ADGRL3: variants seen among roughly 807,000 people sequenced by gnomAD.
ADGRL3 encodes calcium-independent alpha-latrotoxin receptor 3.
A neutral mutation model predicts 153.5 loss-of-function variants in ADGRL3; 62 were observed. The ratio of observed to expected loss-of-function variants is 0.40; its 90% CI spans 0.33 to 0.50. ADGRL3 has a LOEUF of 0.50. Among genes scored for constraint, ADGRL3 ranks in the 20% least tolerant of loss-of-function variants. The pLI is 0.47. For missense variants in ADGRL3, 1,641 were observed against 1,859.4 expected, an observed-to-expected ratio of 0.88 and a Z score of 2.16; for synonymous variants, 710 against 672.5, an observed-to-expected ratio of 1.06 and a Z score of -0.86.
At chr4:61,440,547 A>C (rs2152464561) in intron 2 of ADGRL3, among the ~76,000 whole-genome samples, 1 of 152,274 alleles carries the variant, frequency 6.6e-6, no homozygotes, top group Admixed American at 6.5e-5. Context: ...CAGCCATGTT[A>C]ATTGATTCCT....
intron 5 of ADGRL3, among the ~76,000 whole-genome samples, chr4:61,666,232 G>A (rs145276301): frequency 1.3e-5 from 2 of 151,800 alleles, no homozygotes; most frequent in African/African-American, 4.8e-5. Context: ...ATTTTTCCTA[G>A]CTCATCTTAT....
rs948429798 is a variant in ADGRL3 at position 61,619,961 on chromosome 4, T to G, written c.473+32521T>G. Among the ~76,000 whole-genome samples the G allele has an allele frequency of 2.0e-5, 3 of 151,984 alleles. No individual in the cohort carries two copies. In the East Asian group the frequency reaches 5.8e-4, roughly 29 times the overall value. ...CTGTGTCAAGTTTCTTTTCTGGGAG[T>G]TTTTGTAAGTAAAAAGAGTAGAATT... On this transcript the variant is annotated intron_variant, in intron 5 of 26. Transcript: ENST00000683033.
chr4:61,647,834 C>T (rs2094092083), intron 5 of ADGRL3, among the ~76,000 whole-genome samples: 1 of 151,814 alleles, frequency 6.6e-6, no homozygotes, highest in African/African-American at 2.4e-5. Flanking sequence ...TTATTTCCAC[C>T]AGTTTTCCAC....
At chr4:61,399,786 T>G (rs1452769049) in intron 2 of ADGRL3, among the ~76,000 whole-genome samples, 5 of 151,762 alleles carry the variant, frequency 3.3e-5, no homozygotes, top group African/African-American at 1.2e-4. Context: ...TCTTGCTCTA[T>G]AAACTTAACC....
At chr4:61,689,157 C>T (rs1003678519) in intron 6 of ADGRL3, among the ~76,000 whole-genome samples, 2 of 152,054 alleles carry the variant, frequency 1.3e-5, no homozygotes, top group Non-Finnish European at 2.9e-5. Context: ...TTTCACGAAT[C>T]ATATGTCTTT....
At chr4:61,335,384 C>A (rs1166483868) in intron 1 of ADGRL3, among the ~76,000 whole-genome samples, 1 of 152,090 alleles carries the variant, frequency 6.6e-6, no homozygotes, top group Non-Finnish European at 1.5e-5. Flanking sequence ...TCACAGCATG[C>A]CTCTTGAAAA....
At chr4:61,935,253 CAT>C (rs2098833370) in intron 14 of ADGRL3, among the ~76,000 whole-genome samples, 1 of 152,110 alleles carries the variant, frequency 6.6e-6, no homozygotes, top group Admixed American at 6.5e-5. Flanking sequence ...AAATTGAAAA[CAT>C]AGTAGCCTGA....
chr4:61,812,107 A>T (rs10006513), intron 8 of ADGRL3, among the ~76,000 whole-genome samples: 85,027 of 152,008 alleles, frequency 0.56, 25,447 homozygotes, highest in African/African-American at 0.77. Flanking sequence ...GTTACATAGG[A>T]CAAGAGGTGA....
At chr4:61,388,796 C>T (rs1578586777) in intron 2 of ADGRL3, among the ~76,000 whole-genome samples, 1 of 152,250 alleles carries the variant, frequency 6.6e-6, no homozygotes, top group East Asian at 1.9e-4. Flanking sequence ...GTGGGCCTTT[C>T]TACCTATCAG....
chr4:61,247,334 C>G (rs1369036556), intron 1 of ADGRL3, among the ~76,000 whole-genome samples: 1 of 151,976 alleles, frequency 6.6e-6, no homozygotes, highest in Non-Finnish European at 1.5e-5. Flanking sequence ...TGTATGTTCT[C>G]CTATAGACAG....
rs943940549 is a variant in ADGRL3 at position 61,207,121 on chromosome 4, A to G, written c.-240+5356A>G. 3.3e-5 allele frequency among the ~76,000 whole-genome samples: 5 copies of G among 152,206 alleles called. 1 individual carries two copies. In the South Asian group the frequency reaches 8.3e-4, roughly 25 times the overall value. On this transcript the variant is annotated intron_variant, in intron 1 of 26. Transcript: ENST00000683033. ...ATGTGCAGGTTTGTTACACAGGTAT[A>G]CACGTGCCATGGTGGTTTGCTGCAC...
chr4:61,892,785 C>A lies in ADGRL3; in HGVS notation c.1610C>A (p.Thr537Asn). 8 of 1,613,892 alleles carry A rather than the reference C, an allele frequency of 5.0e-6. No individual in the cohort carries two copies. Among genetic ancestry groups the A allele is most frequent in the Non-Finnish European group, 6.8e-6 (8 of 1,179,860 alleles). ...VSGRRNRSTS[T>N]PSPAVEVLDD... is the part of the protein sequence containing the mutation. Reference sequence around the variant, plus strand: ...GGAAGAAGAAACCGGAGTACTAGTACCCCATCTCCAGCTGTCGAGGTACTT... The same window carrying A: ...GGAAGAAGAAACCGGAGTACTAGTAACCCATCTCCAGCTGTCGAGGTACTT... The change falls in exon 10 of 27, where the codon ACC becomes AAC. Residue 537 changes from threonine (T) to asparagine (N), a missense_variant. By Grantham distance (65) the Thr-to-Asn change is moderately conservative (BLOSUM62 0). Around this residue, in one of 5 missense-constraint regions of ADGRL3, gnomAD observed 734 missense variants for 797.0 expected, o/e 0.92. Transcript: ENST00000683033.
chr4:61,722,183 G>A (rs2096254244), intron 6 of ADGRL3, among the ~76,000 whole-genome samples: 1 of 152,142 alleles, frequency 6.6e-6, no homozygotes, highest in Non-Finnish European at 1.5e-5. Flanking sequence ...CAATTTTATG[G>A]ATTGTGAAGG....
At chr4:61,669,416 G>A (rs1433842731) in intron 5 of ADGRL3, among the ~76,000 whole-genome samples, 3 of 152,076 alleles carry the variant, frequency 2.0e-5, no homozygotes, top group African/African-American at 7.2e-5. Flanking sequence ...TTGACATTGA[G>A]CAAAATACTA....
chr4:61,875,259 G>A (rs2098468873), intron 9 of ADGRL3, among the ~76,000 whole-genome samples: 1 of 152,108 alleles, frequency 6.6e-6, no homozygotes, highest in African/African-American at 2.4e-5. Context: ...GAGGATTGAG[G>A]AATGGAAAAG....
chr4:61,691,454 TATTGGAGTTAAAGAGTCCC>T (rs1341955657), intron 6 of ADGRL3, among the ~76,000 whole-genome samples: 5 of 152,138 alleles, frequency 3.3e-5, no homozygotes, highest in African/African-American at 9.6e-5. Flanking sequence ...TTTTTATGGA[TATTGGAGTTAAAGAGTCCC>T]ATTGCTTACT....
chr4:61,733,273 A>G lies in ADGRL3; in HGVS notation c.1118A>G (p.Tyr373Cys). 6.2e-7 allele frequency: 1 copy of G among 1,613,844 alleles called. No homozygotes were observed. Among genetic ancestry groups the G allele is most frequent in the Non-Finnish European group, 8.5e-7 (1 of 1,179,848 alleles). Residue 373 changes from tyrosine (Y) to cysteine (C), a missense_variant, in exon 8 of 27, where the codon TAT (tyrosine) becomes TGT (cysteine). Around this residue, in one of 5 missense-constraint regions of ADGRL3, gnomAD observed 213 missense variants for 362.1 expected, o/e 0.59. Coordinates refer to ENST00000683033, the MANE Select transcript of ADGRL3 (RefSeq NM_001387552.1). ...LRIEGTWDTA[Y>C]DKRSASNAFM... The stretch of plus-strand genomic sequence containing the variant: ...ATCGAAGGAACATGGGATACTGCAT[A>G]TGATAAAAGGTCAGCTTCCAATGCC...
chr4:61,919,560 C>A (rs2098758970), intron 13 of ADGRL3, among the ~76,000 whole-genome samples: 1 of 152,048 alleles, frequency 6.6e-6, no homozygotes, highest in African/African-American at 2.4e-5. Context: ...GAATTCCTTT[C>A]TATAAGTTGT....
At chr4:61,346,090 C>T (rs917049666) in intron 1 of ADGRL3, among the ~76,000 whole-genome samples, 5 of 152,020 alleles carry the variant, frequency 3.3e-5, no homozygotes, top group East Asian at 1.9e-4. Flanking sequence ...CAAATTAGTG[C>T]GGTTCAAAAG....
Sources: allele counts gnomAD v4.1 joint callset (sites outside exome capture counted in the v4.1 genomes callset), GRCh38; gene constraint gnomAD v4.1.1; regional missense constraint gnomAD v4.1.1; transcripts MANE v1.5; gene names NCBI Gene and HGNC (gene_info 2026-07-23, HGNC 2026-07-21).